PAM: variants seen among roughly 807,000 people sequenced by gnomAD.
PAM encodes the protein peptidylglycine alpha-amidating monooxygenase.
PAM carries 72 observed loss-of-function variants against 122.1 expected under a neutral mutation model. The observed-to-expected ratio is 0.59, with a 90% CI of 0.49 to 0.72. PAM has a LOEUF of 0.72. Ranked by LOEUF, PAM falls within the 30% of genes least tolerant of loss-of-function variation. The pLI, the probability that PAM is intolerant of heterozygous loss-of-function variation, is 0.00. For missense variants in PAM, 1,106 were observed against 1,183.7 expected, an observed-to-expected ratio of 0.93 and a Z score of 0.96; for synonymous variants, 389 against 404.4, an observed-to-expected ratio of 0.96 and a Z score of 0.46.
At chr5:102,841,829 A>G (rs1278418254) in intron 1 of PAM, among the ~76,000 whole-genome samples, 1 of 152,222 alleles carries the variant, frequency 6.6e-6, no homozygotes, top group African/African-American at 2.4e-5. Context: ...TTGAATTTTC[A>G]GATGTCAAGA....
chr5:102,798,652 G>A (rs949484967), intron 1 of PAM, among the ~76,000 whole-genome samples: 1 of 152,092 alleles, frequency 6.6e-6, no homozygotes, highest in African/African-American at 2.4e-5. Context: ...CCACTGATAG[G>A]TATAGTGTAT....
At chr5:102,814,612 GA>G (rs941273618) in intron 1 of PAM, among the ~76,000 whole-genome samples, 2 of 146,964 alleles carry the variant, frequency 1.4e-5, no homozygotes, top group African/African-American at 5.1e-5. Flanking sequence ...TACATATATT[GA>G]TATGTATATA....
At chr5:103,018,109 G>T (rs955857864) in intron 22 of PAM, among the ~76,000 whole-genome samples, 3 of 152,078 alleles carry the variant, frequency 2.0e-5, no homozygotes, top group African/African-American at 7.2e-5. Flanking sequence ...TGTACCAAAT[G>T]CTTGATAGGA....
rs75203309 is a variant in PAM, at chr5:102,889,560, G to C, written c.211-11796G>C. 1.2e-3 allele frequency among the ~76,000 whole-genome samples: 186 copies of C among 151,582 alleles called. 2 individuals are homozygous for C. In the East Asian group the frequency reaches 0.032, roughly 26 times the overall value. The stretch of plus-strand genomic sequence containing the variant: ...TTCTTCTGAATTGCCCCCTTTATTT[G>C]TGTCTTCTATTTTTTTTAATGGAAC... On this transcript the variant is annotated intron_variant, in intron 3 of 25. Transcript: ENST00000438793.
At chr5:102,881,338 TTAA>T (rs1790994755) in intron 3 of PAM, among the ~76,000 whole-genome samples, 1 of 152,036 alleles carries the variant, frequency 6.6e-6, no homozygotes, top group South Asian at 2.1e-4. Flanking sequence ...TTCGTTCATG[TTAA>T]TAATCAGATA....
Position 102,914,019 on chromosome 5 carries a change from C to T in PAM, c.354C>T (p.Tyr118=), listed in dbSNP as rs771192828. The change falls in exon 5 of 26, where the codon TAC becomes TAT. Residue 118 remains tyrosine, a splice_region_variant and synonymous_variant. Coordinates refer to ENST00000438793, the MANE Select transcript of PAM (RefSeq NM_001177306.2). ...GCNMPSSTGS[Y]WFCDEGTCTD... ...ATATGCCTTCATCCACTGGAAGTTACTGGTAAGGATAATGGGTTTACAGTA... is the reference window on the plus strand; with the variant it reads ...ATATGCCTTCATCCACTGGAAGTTATTGGTAAGGATAATGGGTTTACAGTA... The T allele has an allele frequency of 6.5e-7, 1 of 1,529,288 alleles. No homozygotes were observed. The highest frequency in any genetic ancestry group is 9.1e-7 in the Non-Finnish European group (1 of 1,102,906). The allele number at this position is 1,529,288 out of a possible 1,614,324, so 94.7% of individuals were successfully genotyped here. A position where few individuals can be genotyped will look rare whatever the true frequency, so the allele number is the denominator to read the frequency against.
chr5:103,014,265 C>T (rs770798248), intron 21 of PAM, among the ~76,000 whole-genome samples: 18 of 152,242 alleles, frequency 1.2e-4, no homozygotes, highest in Non-Finnish European at 2.4e-4. Flanking sequence ...TGAGCCTTAA[C>T]GTCATAAAAA....
At chr5:102,837,387 C>T (rs1777388896) in intron 1 of PAM, among the ~76,000 whole-genome samples, 1 of 152,272 alleles carries the variant, frequency 6.6e-6, no homozygotes, top group African/African-American at 2.4e-5. Context: ...AATTTCTATT[C>T]ACCTTTGTTT....
At chr5:102,893,537 G>A (rs1369155425) in intron 3 of PAM, among the ~76,000 whole-genome samples, 1 of 151,796 alleles carries the variant, frequency 6.6e-6, no homozygotes, top group Non-Finnish European at 1.5e-5. Flanking sequence ...GCTGAAGTCT[G>A]TTGGGTTGTT....
intron 25 of PAM, 41 bp from the exon 26 acceptor site, chr5:103,028,846 G>T (rs1231183989): frequency 3.5e-6 from 5 of 1,430,296 alleles, no homozygotes; most frequent in Non-Finnish European, 4.8e-6. Context: ...AGACATTGCT[G>T]CAAACTTTAC....
rs35149404 is a variant in PAM at position 102,782,725 on chromosome 5, CTGTGTGTGTGTG to C, written c.-374+27401_-374+27412del. On this transcript the variant is annotated intron_variant, in intron 1 of 25. Transcript: ENST00000438793. ...CATTTCTCTCTCTCTCTCTCTCTCT[CTGTGTGTGTGTG>C]TGTGTGTGTGTGTGTGTGTGTGTAA... is the stretch of plus-strand genomic sequence containing the variant. Among the ~76,000 whole-genome samples the C allele has an allele frequency of 4.6e-4, 65 of 140,186 alleles. 1 individual carries two copies. Among genetic ancestry groups the C allele is most frequent in the Admixed American group, 1.1e-3 (15 of 14,228 alleles). 92.0% of individuals were successfully genotyped at this position (140,186 alleles called of 152,430 possible).
At chr5:103,003,172 T>TACAAGTCTTAACAACA in intron 17 of PAM, 23 bp downstream of exon 17, 2 of 1,011,090 alleles carry the variant, frequency 2.0e-6, no homozygotes, top group Non-Finnish European at 3.2e-6. Context: ...ACTTATGTTG[T>TACAAGTCTTAACAACA]TAAGACTTGT....
intron 7 of PAM, among the ~76,000 whole-genome samples, chr5:102,940,696 A>G (rs1048014490): frequency 1.3e-5 from 2 of 152,064 alleles, no homozygotes; most frequent in Non-Finnish European, 2.9e-5. Context: ...AGTTAGTTAA[A>G]TGTTTCTTTT....
intron 15 of PAM, among the ~76,000 whole-genome samples, chr5:102,983,402 A>G (rs902139033): frequency 1.3e-5 from 2 of 150,026 alleles, no homozygotes; most frequent in African/African-American, 2.5e-5. Flanking sequence ...GTGAGCCAAG[A>G]TAGCACCACT....
At chr5:102,969,834 A>C (rs1419195135) in intron 14 of PAM, among the ~76,000 whole-genome samples, 1 of 152,118 alleles carries the variant, frequency 6.6e-6, no homozygotes, top group Non-Finnish European at 1.5e-5. Context: ...ATGTGCCTGG[A>C]GGTGGTAGCT....
At chr5:102,769,918 A>C (rs757530917) in intron 1 of PAM, among the ~76,000 whole-genome samples, 13 of 152,050 alleles carry the variant, frequency 8.5e-5, no homozygotes, top group Admixed American at 1.3e-4. Context: ...TAGGGATTGC[A>C]TTGAATCTGT....
intron 7 of PAM, among the ~76,000 whole-genome samples, chr5:102,943,754 C>A (rs966282714): frequency 6.6e-6 from 1 of 152,100 alleles, no homozygotes; most frequent in East Asian, 1.9e-4. Context: ...GTTTCCCTTT[C>A]GGTTCTGAGA....
At position 103,011,400 on chromosome 5, in the gene PAM, A is replaced by ACT. The variant is rs1198200722; in HGVS notation, c.2331+1545_2331+1546dup. On this transcript the variant is annotated intron_variant, in intron 21 of 25. Transcript: ENST00000438793. ...CACTCACACACACACACACACACAC[A>ACT]CTCTCTCTCTCTGTCCCATACCCTT... 7.2e-5 allele frequency among the ~76,000 whole-genome samples: 9 copies of ACT among 124,914 alleles called. No homozygotes were observed. In the South Asian group the frequency reaches 9.4e-4, roughly 13 times the overall value. The allele number at this position is 124,914 out of a possible 152,430, so 81.9% of individuals were successfully genotyped here. A position where few individuals can be genotyped will look rare whatever the true frequency, so the allele number is the denominator to read the frequency against.
At chr5:103,002,333 G>A (rs1419419951) in intron 16 of PAM, among the ~76,000 whole-genome samples, 1 of 151,750 alleles carries the variant, frequency 6.6e-6, no homozygotes, top group Admixed American at 6.6e-5. Context: ...AATCTAAAAG[G>A]TACTGAGTTT....
Sources: allele counts gnomAD v4.1 joint callset (sites outside exome capture counted in the v4.1 genomes callset), GRCh38; gene constraint gnomAD v4.1.1; transcripts MANE v1.5; gene names NCBI Gene and HGNC (gene_info 2026-07-23, HGNC 2026-07-21).